The following VPS13B variants were observed in gnomAD, a reference collection of about 807,000 sequenced individuals.
VPS13B encodes the protein intermembrane lipid transfer protein VPS13B.
In VPS13B, 285 loss-of-function variants were observed where a neutral mutation model predicts 426.4. The observed-to-expected ratio is 0.67, with a 90% CI of 0.61 to 0.74. The LOEUF (loss-of-function observed/expected upper bound fraction) is 0.74. Among genes scored for constraint, VPS13B ranks in the 30% least tolerant of loss-of-function variants. VPS13B has a pLI of 0.00. For missense variants in VPS13B, 4,537 were observed against 4,782.6 expected, an observed-to-expected ratio of 0.95 and a Z score of 1.51; for synonymous variants, 1,676 against 1,676.4, an observed-to-expected ratio of 1.00 and a Z score of 0.01.
At chr8:99,180,310 T>A (rs1378008256) in intron 16 of VPS13B, among the ~76,000 whole-genome samples, 1 of 152,170 alleles carries the variant, frequency 6.6e-6, no homozygotes, top group East Asian at 1.9e-4. Flanking sequence ...CTCCAGAGAC[T>A]TACAACTCAT....
intron 39 of VPS13B, among the ~76,000 whole-genome samples, chr8:99,760,198 T>C (rs1214389312): frequency 6.6e-6 from 1 of 152,070 alleles, no homozygotes; most frequent in Non-Finnish European, 1.5e-5. Flanking sequence ...TTGGTGAGGC[T>C]GGTCTCGAAC....
At chr8:99,224,556 A>T (rs990292800) in intron 17 of VPS13B, among the ~76,000 whole-genome samples, 2 of 152,126 alleles carry the variant, frequency 1.3e-5, no homozygotes, top group East Asian at 1.9e-4. Flanking sequence ...CTAATTAATT[A>T]TATTAATCTG....
chr8:99,025,455 A>C (rs140919426), intron 2 of VPS13B, among the ~76,000 whole-genome samples: 204 of 152,204 alleles, frequency 1.3e-3, no homozygotes, highest in African/African-American at 4.8e-3. Context: ...CTGTGCTATT[A>C]GATTTGGTTT....
At chr8:99,172,999 C>G (rs1812435874) in intron 16 of VPS13B, among the ~76,000 whole-genome samples, 1 of 152,072 alleles carries the variant, frequency 6.6e-6, no homozygotes, top group Admixed American at 6.6e-5. Context: ...AATAATGTTT[C>G]TTCTCTGATA....
At chr8:99,510,967 T>G (rs1821761578) in intron 28 of VPS13B, 137 bp from the exon 29 acceptor site, 1 of 896,908 alleles carries the variant, frequency 1.1e-6, no homozygotes, top group Non-Finnish European at 1.7e-6. Flanking sequence ...GCAGAATTGA[T>G]CAGTCATGTG....
intron 35 of VPS13B, chr8:99,697,015 G>A (rs756371326): frequency 2.4e-5 from 14 of 584,762 alleles, no homozygotes; most frequent in Non-Finnish European, 3.2e-5. Flanking sequence ...TGGGCCCTCC[G>A]CCTCAGCTGA....
At chr8:99,150,661 T>A (rs1264317677) in intron 14 of VPS13B, among the ~76,000 whole-genome samples, 3 of 152,190 alleles carry the variant, frequency 2.0e-5, no homozygotes, top group Non-Finnish European at 2.9e-5. Flanking sequence ...CATTGGCTTC[T>A]TTTACTTAGT....
chr8:99,608,122 A>T (rs777493762), intron 33 of VPS13B, among the ~76,000 whole-genome samples: 1 of 151,734 alleles, frequency 6.6e-6, no homozygotes, highest in Non-Finnish European at 1.5e-5. Context: ...ATTAAAACTC[A>T]ACCAGTGGTA....
At chr8:99,722,977 TG>T (rs1448788257) in intron 39 of VPS13B, among the ~76,000 whole-genome samples, 18 of 152,298 alleles carry the variant, frequency 1.2e-4, no homozygotes, top group Admixed American at 9.8e-4. Context: ...TAATTATTGG[TG>T]GTATGATGTA....
intron 12 of VPS13B, among the ~76,000 whole-genome samples, chr8:99,140,720 A>G (rs1810373157): frequency 7.2e-6 from 1 of 139,176 alleles, no homozygotes; most frequent in Non-Finnish European, 1.5e-5. Context: ...CTTCTTTGTG[A>G]GTATACTTTA....
intron 33 of VPS13B, among the ~76,000 whole-genome samples, chr8:99,595,637 C>T (rs796325960): frequency 6.6e-6 from 1 of 151,406 alleles, no homozygotes; most frequent in Non-Finnish European, 1.5e-5. Flanking sequence ...CTTTAAAAAC[C>T]CTGAAGCTTT....
At chr8:99,316,874 C>A (rs571547256) in intron 19 of VPS13B, among the ~76,000 whole-genome samples, 9 of 152,190 alleles carry the variant, frequency 5.9e-5, no homozygotes, top group African/African-American at 2.2e-4. Context: ...CTTTGATGTG[C>A]CATCTTTATG....
At chr8:99,229,294 T>C (rs1816189913) in intron 17 of VPS13B, among the ~76,000 whole-genome samples, 1 of 152,186 alleles carries the variant, frequency 6.6e-6, no homozygotes, top group East Asian at 1.9e-4. Flanking sequence ...TCTACCACCA[T>C]TATTCAGGCA....
chr8:99,243,147 G>A (rs1370573383), intron 17 of VPS13B, among the ~76,000 whole-genome samples: 1 of 152,060 alleles, frequency 6.6e-6, no homozygotes, highest in Non-Finnish European at 1.5e-5. Flanking sequence ...TTGACCTGAG[G>A]GATAAGATGT....
intron 3 of VPS13B, among the ~76,000 whole-genome samples, chr8:99,058,907 T>C (rs979071453): frequency 8.5e-5 from 13 of 152,220 alleles, no homozygotes; most frequent in Non-Finnish European, 1.9e-4. Flanking sequence ...TAGCTCATCA[T>C]ATGCTAACAT....
At chr8:99,420,087 T>A (rs1816287482) in intron 21 of VPS13B, among the ~76,000 whole-genome samples, 1 of 152,204 alleles carries the variant, frequency 6.6e-6, no homozygotes, top group South Asian at 2.1e-4. Context: ...GTGAAAGCAC[T>A]TCTTTCTTTA....
intron 19 of VPS13B, among the ~76,000 whole-genome samples, chr8:99,348,880 G>A (rs1409763337): frequency 6.6e-6 from 1 of 151,364 alleles, no homozygotes; most frequent in African/African-American, 2.4e-5. Context: ...GAGTTTTTTT[G>A]TAGCATGAAA....
chr8:99,028,126 C>T (rs1842232057), intron 2 of VPS13B, among the ~76,000 whole-genome samples: 1 of 152,184 alleles, frequency 6.6e-6, no homozygotes, highest in Non-Finnish European at 1.5e-5. Context: ...CCACACAGAC[C>T]CGGCAACCAT....
At position 99,743,589 on chromosome 8, in the gene VPS13B, T is replaced by G. The variant is rs186016767; in HGVS notation, c.7050+22542T>G. Among the ~76,000 whole-genome samples, 6 of 152,274 alleles carry G rather than the reference T, an allele frequency of 3.9e-5. No homozygotes were observed. In the East Asian group the frequency reaches 1.2e-3, roughly 29 times the overall value. On this transcript the variant is annotated intron_variant, in intron 39 of 61. Coordinates refer to ENST00000357162, the MANE Select transcript of VPS13B (RefSeq NM_152564.5). ...TTCAAACTATACTACAAGGCTACAG[T>G]AACCAAAACAGCATGGTACTGGTTC...
Sources: gnomAD v4.1 joint callset for allele counts (sites outside exome capture counted in the v4.1 genomes callset) on GRCh38, gnomAD v4.1.1 for gene constraint, MANE v1.5 for transcripts, NCBI Gene and HGNC (gene_info 2026-07-23, HGNC 2026-07-21) for gene names.